ELOVL7: variants seen among roughly 807,000 people sequenced by gnomAD.
The protein encoded by ELOVL7 is very long chain fatty acid elongase 7.
Under a neutral mutation model 35.7 loss-of-function variants are expected in ELOVL7, and 27 were observed. That is an observed-to-expected ratio of 0.76 (90% CI 0.56 to 1.04). The LOEUF is 1.04. ELOVL7 is among the 50% of genes least tolerant of loss of function. The pLI is 0.00. For synonymous variants in ELOVL7, 113 were observed against 114.6 expected (o/e 0.99, Z 0.09); for missense variants, 327 against 340.8 (o/e 0.96, Z 0.32).
chr5:60,826,250 C>T (rs1746165775), intron 1 of ELOVL7, among the ~76,000 whole-genome samples: 1 of 152,142 alleles, frequency 6.6e-6, no homozygotes, highest in Non-Finnish European at 1.5e-5. Context: ...GAGTACAGTT[C>T]ATTTATCCAG....
At chr5:60,805,664 T>G (rs1282611834) in intron 1 of ELOVL7, among the ~76,000 whole-genome samples, 1 of 152,188 alleles carries the variant, frequency 6.6e-6, no homozygotes, top group Admixed American at 6.5e-5. Flanking sequence ...TATTGCATCC[T>G]ACTGGGAAGG....
chr5:60,804,979 C>G (rs551833227), intron 1 of ELOVL7, among the ~76,000 whole-genome samples: 1 of 152,280 alleles, frequency 6.6e-6, no homozygotes, highest in South Asian at 2.1e-4. Flanking sequence ...TTCTACAATG[C>G]GAAGCAGAAT....
At chr5:60,785,375 A>C (rs1264879499) in intron 3 of ELOVL7, among the ~76,000 whole-genome samples, 1 of 152,224 alleles carries the variant, frequency 6.6e-6, no homozygotes, top group African/African-American at 2.4e-5. Flanking sequence ...AAAGAAGTTC[A>C]TATTAAGGCA....
intron 1 of ELOVL7, among the ~76,000 whole-genome samples, chr5:60,800,060 A>G (rs1744509343): frequency 6.6e-6 from 1 of 150,392 alleles, no homozygotes; most frequent in South Asian, 2.1e-4. Flanking sequence ...AAAAAGTATA[A>G]CTAATAGTGA....
chr5:60,767,180 C>T (rs1172521781), intron 5 of ELOVL7, among the ~76,000 whole-genome samples: 1 of 152,102 alleles, frequency 6.6e-6, no homozygotes, highest in Non-Finnish European at 1.5e-5. Context: ...CTGCAACCTC[C>T]ACCTTCTGGG....
At position 60,818,627 on chromosome 5, in the gene ELOVL7, G is replaced by C. The variant is rs572459300; in HGVS notation, c.-85-19397C>G. Among the ~76,000 whole-genome samples, 8 of 152,214 alleles carry C rather than the reference G, an allele frequency of 5.3e-5. No individual in the cohort carries two copies. In the South Asian group the frequency reaches 1.7e-3, roughly 32 times the overall value. ...CTGAGAACTTGGTACGGGGCTTGAA[G>C]CTATAGCTTACTAAAAACAGATAAT... On this transcript the variant is annotated intron_variant, in intron 1 of 8. Coordinates refer to ENST00000508821, the MANE Select transcript of ELOVL7 (RefSeq NM_024930.3).
chr5:60,840,059 T>C (rs1747073686), intron 1 of ELOVL7, among the ~76,000 whole-genome samples: 1 of 152,072 alleles, frequency 6.6e-6, no homozygotes, highest in South Asian at 2.1e-4. Context: ...TGGCACATCA[T>C]GGAGAATAAA....
chr5:60,767,571 T>C (rs1437920919), intron 5 of ELOVL7, among the ~76,000 whole-genome samples: 1 of 152,204 alleles, frequency 6.6e-6, no homozygotes, highest in East Asian at 1.9e-4. Flanking sequence ...TATTTTCAAT[T>C]TTTTGAGGAA....
chr5:60,775,559 C>T (rs1742852333), intron 3 of ELOVL7, among the ~76,000 whole-genome samples: 1 of 152,172 alleles, frequency 6.6e-6, no homozygotes, highest in Non-Finnish European at 1.5e-5. Context: ...GGAGGCATCA[C>T]ATTATCTTAC....
rs1434528550 is a variant in ELOVL7 at position 60,783,964 on chromosome 5, G to C, written c.64+3370C>G. 2.6e-5 allele frequency: 15 copies of C among 578,058 alleles called. No homozygotes were observed. The East Asian group carries it at 4.2e-4, about 16-fold the overall frequency. 35.8% of individuals were successfully genotyped at this position (578,058 alleles called of 1,614,324 possible). On this transcript the variant is annotated intron_variant, in intron 3 of 8. Coordinates refer to ENST00000508821, the MANE Select transcript of ELOVL7 (RefSeq NM_024930.3). ...GAGTAGAGCCATGATAGAAGCAGAGGATGGGAAGGCAGGCTGTCTGACAGT... is the reference window on the plus strand; with the variant it reads ...GAGTAGAGCCATGATAGAAGCAGAGCATGGGAAGGCAGGCTGTCTGACAGT...
intron 4 of ELOVL7, among the ~76,000 whole-genome samples, chr5:60,769,704 T>C (rs1742458197): frequency 6.6e-6 from 1 of 152,136 alleles, no homozygotes; most frequent in African/African-American, 2.4e-5. Flanking sequence ...TTAAGAACAT[T>C]CCAACAGCTT....
chr5:60,757,716 G>T (rs1741630498), intron 7 of ELOVL7, 71 bp from the exon 8 acceptor site: 1 of 1,332,230 alleles, frequency 7.5e-7, no homozygotes, highest in East Asian at 2.5e-5. Context: ...TCTGAACTGA[G>T]ATTTTTGTAT....
intron 4 of ELOVL7, chr5:60,768,530 C>CT (rs1561427182): frequency 3.4e-6 from 1 of 295,876 alleles, no homozygotes. Context: ...AAAGTGCAAT[C>CT]TGGCAGGCCT....
At position 60,772,106 on chromosome 5, in the gene ELOVL7, C is replaced by A. The variant is rs551457264; in HGVS notation, c.65-13G>T. The A allele has an allele frequency of 1.9e-6, 3 of 1,587,844 alleles. No homozygotes were observed. The highest frequency in any genetic ancestry group is 2.7e-5 in the African/African-American group (2 of 73,802). On this transcript the variant is annotated splice_polypyrimidine_tract_variant and intron_variant, in intron 3 of 8. Coordinates refer to ENST00000508821, the MANE Select transcript of ELOVL7 (RefSeq NM_024930.3). ...TCAACTCTTGGATCTAAGAGAAAAA[C>A]AATATGTGAGTACACACCTGCTTAG...
At chr5:60,830,156 C>A (rs1579934899) in intron 1 of ELOVL7, among the ~76,000 whole-genome samples, 1 of 152,260 alleles carries the variant, frequency 6.6e-6, no homozygotes, top group African/African-American at 2.4e-5. Flanking sequence ...GGGTTGGGGA[C>A]CATGTCTCTA....
intron 1 of ELOVL7, among the ~76,000 whole-genome samples, chr5:60,826,932 A>G (rs563881971): frequency 7.2e-5 from 11 of 152,330 alleles, no homozygotes; most frequent in Non-Finnish European, 1.3e-4. Flanking sequence ...TTGTATCCAT[A>G]CTACTTTCTT....
At chr5:60,755,683 A>G (rs1036629297) in intron 8 of ELOVL7, among the ~76,000 whole-genome samples, 9 of 151,942 alleles carry the variant, frequency 5.9e-5, no homozygotes, top group South Asian at 2.1e-4. Context: ...TGAACTGCCA[A>G]CTGAGGCAGA....
chr5:60,818,142 A>C (rs1225667075), intron 1 of ELOVL7, among the ~76,000 whole-genome samples: 1 of 151,440 alleles, frequency 6.6e-6, no homozygotes, highest in Non-Finnish European at 1.5e-5. Flanking sequence ...ACATGATGAA[A>C]CCCTGTCTGT....
intron 1 of ELOVL7, among the ~76,000 whole-genome samples, chr5:60,806,019 G>C (rs1744904426): frequency 6.6e-6 from 1 of 152,194 alleles, no homozygotes; most frequent in Non-Finnish European, 1.5e-5. Flanking sequence ...TGGAGAAAGA[G>C]TCTTTCCAGA....
Sources: allele counts gnomAD v4.1 joint callset (sites outside exome capture counted in the v4.1 genomes callset), GRCh38; gene constraint gnomAD v4.1.1; transcripts MANE v1.5; gene names NCBI Gene and HGNC (gene_info 2026-07-23, HGNC 2026-07-21).